The following PPIP5K2 variants were observed in gnomAD, a reference collection of about 807,000 sequenced individuals.
PPIP5K2 encodes the protein inositol hexakisphosphate and diphosphoinositol-pentakisphosphate kinase 2.
In PPIP5K2, 105 loss-of-function variants were observed where a neutral mutation model predicts 154.6. The observed-to-expected ratio is 0.68, with a 90% CI of 0.58 to 0.80. The LOEUF is 0.80. Among genes scored for constraint, PPIP5K2 ranks in the 30% least tolerant of loss-of-function variants. The pLI is 0.00. For missense variants in PPIP5K2, 992 were observed against 1,504.6 expected, an observed-to-expected ratio of 0.66 and a Z score of 5.64; for synonymous variants, 480 against 490.3, an observed-to-expected ratio of 0.98 and a Z score of 0.28.
intron 1 of PPIP5K2, among the ~76,000 whole-genome samples, chr5:103,125,096 T>C (rs1554200263): frequency 6.6e-6 from 1 of 152,226 alleles, no homozygotes; most frequent in African/African-American, 2.4e-5. Flanking sequence ...TCATCGGTTT[T>C]ATCTCCTTTT....
At chr5:103,125,327 T>A (rs1583175376) in intron 1 of PPIP5K2, among the ~76,000 whole-genome samples, 1 of 152,136 alleles carries the variant, frequency 6.6e-6, no homozygotes, top group South Asian at 2.1e-4. Flanking sequence ...TATGTACAAT[T>A]TACAGATGAG....
rs782033191 is a variant in PPIP5K2, at chr5:103,187,315, C to T, written c.3291C>T (p.Asp1097=). ...KKLTSSGCID[D]ATRGSAVKRF... ...GGTACCTGTTTTTCTCTTTCTTAGA[C>T]GCCACACGCGGTTCTGCTGTTAAAA... is the stretch of plus-strand genomic sequence containing the variant. The change falls in exon 28 of 31, where the codon GAC becomes GAT. Residue 1097 remains aspartate (D), a splice_region_variant and synonymous_variant. Coordinates refer to ENST00000358359, the MANE Select transcript of PPIP5K2 (RefSeq NM_001276277.3). The T allele has an allele frequency of 1.9e-5, 29 of 1,534,132 alleles. No individual in the cohort carries two copies. The Middle Eastern group carries it at 5.0e-4, about 26-fold the overall frequency.
intron 3 of PPIP5K2, among the ~76,000 whole-genome samples, chr5:103,134,819 G>T (rs1791201464): frequency 6.6e-6 from 1 of 152,150 alleles, no homozygotes; most frequent in Non-Finnish European, 1.5e-5. Context: ...TAGACATTGA[G>T]ACATCTTTAC....
At chr5:103,177,822 T>G in intron 22 of PPIP5K2, 42 bp from the exon 23 acceptor site, 1 of 1,596,994 alleles carries the variant, frequency 6.3e-7, no homozygotes, top group Non-Finnish European at 8.6e-7. Flanking sequence ...AATAAAGAGC[T>G]TAAAGTTTCT....
At chr5:103,142,576 G>A (rs538875950) in intron 5 of PPIP5K2, among the ~76,000 whole-genome samples, 1 of 152,260 alleles carries the variant, frequency 6.6e-6, no homozygotes, top group South Asian at 2.1e-4. Context: ...GGGCTGTGAG[G>A]ACTGCTAGCA....
At chr5:103,199,648 CA>C (rs1446074235) in intron 30 of PPIP5K2, among the ~76,000 whole-genome samples, 1 of 151,496 alleles carries the variant, frequency 6.6e-6, no homozygotes, top group Admixed American at 6.6e-5. Flanking sequence ...GGTAATACTC[CA>C]AAAAAGATGT....
At chr5:103,174,174 G>A in intron 21 of PPIP5K2, 1 of 439,966 alleles carries the variant, frequency 2.3e-6, no homozygotes, top group Non-Finnish European at 4.0e-6. Context: ...ATACATTTAA[G>A]CAAACAATAA....
chr5:103,192,392 G>A (rs1000722229), intron 29 of PPIP5K2, among the ~76,000 whole-genome samples: 6 of 152,020 alleles, frequency 3.9e-5, no homozygotes, highest in Admixed American at 3.9e-4. Flanking sequence ...ACCTCAGAAT[G>A]CAGTAGAGAA....
chr5:103,200,637 T>C (rs899456345), intron 30 of PPIP5K2, among the ~76,000 whole-genome samples: 24 of 151,654 alleles, frequency 1.6e-4, no homozygotes, highest in African/African-American at 5.6e-4. Context: ...TTTATTTATT[T>C]ATTTATTTAT....
At chr5:103,194,765 T>A (rs1801797542) in intron 29 of PPIP5K2, 135 bp from the exon 30 acceptor site, 2 of 946,246 alleles carry the variant, frequency 2.1e-6, no homozygotes, top group Non-Finnish European at 3.1e-6. Flanking sequence ...GTGATTTTGC[T>A]GAATTTACCT....
At chr5:103,142,110 C>A (rs1554207037) in intron 5 of PPIP5K2, among the ~76,000 whole-genome samples, 1 of 152,212 alleles carries the variant, frequency 6.6e-6, no homozygotes, top group African/African-American at 2.4e-5. Context: ...GAGGCTCGGG[C>A]CGCACAGGAG....
At chr5:103,178,193 A>G (rs1027684578) in intron 23 of PPIP5K2, among the ~76,000 whole-genome samples, 1 of 152,084 alleles carries the variant, frequency 6.6e-6, no homozygotes, top group South Asian at 2.1e-4. Flanking sequence ...AGATTGTTTG[A>G]ATTTTAAGGC....
rs373703531 is a variant in PPIP5K2 at position 103,168,196 on chromosome 5, T to C, written c.2187T>C (p.Cys729=). ...GTAAAATCCCTGACATATATGACTG[T>C]ATAAAATATGATGTCCAGCATAATG... ...DISKIPDIYD[C]IKYDVQHNGS... is the part of the protein sequence containing the mutation. The change falls in exon 19 of 31, where the codon TGT becomes TGC. Residue 729 remains cysteine, a synonymous_variant. Coordinates refer to ENST00000358359, the MANE Select transcript of PPIP5K2 (RefSeq NM_001276277.3). 7.6e-5 allele frequency: 123 copies of C among 1,608,734 alleles called. No individual in the cohort carries two copies. The highest frequency in any genetic ancestry group is 9.6e-5 in the Non-Finnish European group (113 of 1,175,960).
At position 103,120,482 on chromosome 5, in the gene PPIP5K2, G is replaced by A. The variant is rs1554198612; in HGVS notation, c.-291G>A. 1 of 456,578 alleles carries A rather than the reference G, an allele frequency of 2.2e-6. No homozygotes were observed. Among genetic ancestry groups the A allele is most frequent in the South Asian group, 1.5e-5 (1 of 64,576 alleles). 28.3% of individuals were successfully genotyped at this position (456,578 alleles called of 1,614,324 possible). On this transcript the variant is annotated 5_prime_UTR_variant, in exon 1 of 31. The change creates a new upstream start codon in the 5' untranslated region. Transcript: ENST00000358359. ...AACTGCTCGCGTGACGACCGCATTC[G>A]TGGCAGGTGAGGGCCCAAAACCGGA...
rs531192433 is a variant in PPIP5K2 at position 103,144,605 on chromosome 5, G to GA, written c.488-1915dup. Among the ~76,000 whole-genome samples the GA allele has an allele frequency of 1.1e-4, 17 of 152,074 alleles. No homozygotes were observed. In the South Asian group the frequency reaches 2.9e-3, roughly 26 times the overall value. ...CCAATGGAACAGAATGCAGAATCCA[G>GA]AAAAAAATATACACATTTGCAGTTA... On this transcript the variant is annotated intron_variant, in intron 5 of 30. Transcript: ENST00000358359.
At chr5:103,196,149 A>T (rs1554228451) in intron 30 of PPIP5K2, among the ~76,000 whole-genome samples, 2 of 152,202 alleles carry the variant, frequency 1.3e-5, no homozygotes, top group East Asian at 3.8e-4. Flanking sequence ...CTTAGCATTC[A>T]TGCCATTTTT....
intron 30 of PPIP5K2, among the ~76,000 whole-genome samples, chr5:103,199,485 G>A (rs1333723245): frequency 3.3e-5 from 5 of 152,026 alleles, no homozygotes; most frequent in African/African-American, 1.2e-4. Context: ...GGTTACCATT[G>A]TTTCTGATAA....
At chr5:103,168,383 C>CATGT in intron 19 of PPIP5K2, 88 bp downstream of exon 19, 2 of 1,025,984 alleles carry the variant, frequency 1.9e-6, no homozygotes, top group African/African-American at 3.3e-5. Flanking sequence ...AGTTGGTTTT[C>CATGT]ATGTCCTTGG....
chr5:103,145,840 A>G lies in PPIP5K2; in HGVS notation c.488-687A>G, dbSNP rs114649626. Among the ~76,000 whole-genome samples the G allele has an allele frequency of 3.9e-3, 592 of 152,224 alleles. 2 individuals carry two copies. Among genetic ancestry groups the G allele is most frequent in the African/African-American group, 0.013 (555 of 41,570 alleles). ...CACAATAGGGTGACTATAGTTTACA[A>G]TAATTTATTTTATATTTTGAAATAA... On this transcript the variant is annotated intron_variant, in intron 5 of 30. Transcript: ENST00000358359.
Sources: gnomAD v4.1 joint callset for allele counts (sites outside exome capture counted in the v4.1 genomes callset) on GRCh38, gnomAD v4.1.1 for gene constraint, MANE v1.5 for transcripts, NCBI Gene and HGNC (gene_info 2026-07-23, HGNC 2026-07-21) for gene names.